The following APP variants were observed in gnomAD, a reference collection of about 807,000 sequenced individuals.
APP encodes amyloid-beta precursor protein.
In APP, 31 loss-of-function variants were observed where a neutral mutation model predicts 101.4. The ratio of observed to expected loss-of-function variants is 0.31; its 90% CI spans 0.23 to 0.41. The LOEUF is 0.41. Among genes scored for constraint, APP ranks in the 10% least tolerant of loss-of-function variants. APP has a pLI of 1.00. For synonymous variants in APP, 366 were observed against 364.4 expected (o/e 1.00, Z -0.05); for missense variants, 839 against 1,003.7 (o/e 0.84, Z 2.22).
intron 2 of APP, among the ~76,000 whole-genome samples, chr21:26,109,307 A>T (rs1463418050): frequency 6.6e-6 from 1 of 152,160 alleles, no homozygotes; most frequent in African/African-American, 2.4e-5. Context: ...AAGGGATTGG[A>T]TCATGGGGGT....
intron 3 of APP, among the ~76,000 whole-genome samples, chr21:26,059,890 CAAAAAAAAAAAAAAAAAAAAA>C (rs57594630): frequency 1.4e-5 from 1 of 70,644 alleles, no homozygotes; most frequent in Non-Finnish European, 2.6e-5. Context: ...GACTCCGTCT[CAAAAAAAAAAAAAAAAAAAAA>C]AAAAAAAAAA....
chr21:26,132,698 C>T (rs759441920), intron 1 of APP, among the ~76,000 whole-genome samples: 1 of 152,128 alleles, frequency 6.6e-6, no homozygotes, highest in African/African-American at 2.4e-5. Flanking sequence ...CTCATAAATA[C>T]TTGATTACTT....
intron 1 of APP, among the ~76,000 whole-genome samples, chr21:26,113,539 C>T (rs1291445075): frequency 6.6e-6 from 1 of 152,188 alleles, no homozygotes; most frequent in Non-Finnish European, 1.5e-5. Context: ...TCTCTAGAGC[C>T]ATGTTTTCAA....
At chr21:25,995,662 A>G (rs558004813) in intron 8 of APP, among the ~76,000 whole-genome samples, 1 of 152,246 alleles carries the variant, frequency 6.6e-6, no homozygotes, top group Non-Finnish European at 1.5e-5. Context: ...CTATAGTGGA[A>G]TAGCTAGAGC....
At chr21:25,905,139 G>T in intron 14 of APP, 62 bp from the exon 15 acceptor site, 1 of 1,416,046 alleles carries the variant, frequency 7.1e-7, no homozygotes, top group Non-Finnish European at 1.0e-6. Context: ...GTAAGTCGTG[G>T]CTCCCAAACA....
chr21:26,061,785 G>C (rs989107809), intron 3 of APP, among the ~76,000 whole-genome samples: 1 of 152,146 alleles, frequency 6.6e-6, no homozygotes, highest in African/African-American at 2.4e-5. Context: ...GAACTAAATG[G>C]ATCAAGATAA....
chr21:26,026,395 A>G (rs2044575733), intron 5 of APP, among the ~76,000 whole-genome samples: 1 of 152,222 alleles, frequency 6.6e-6, no homozygotes, highest in African/African-American at 2.4e-5. Context: ...ATCACTGATG[A>G]TAAAATTTTA....
At chr21:26,101,501 A>G (rs1315765818) in intron 2 of APP, among the ~76,000 whole-genome samples, 1 of 152,200 alleles carries the variant, frequency 6.6e-6, no homozygotes, top group Non-Finnish European at 1.5e-5. Context: ...TGTTTCTATC[A>G]TAAAGTGAGG....
chr21:26,143,665 T>G (rs2063096690), intron 1 of APP, among the ~76,000 whole-genome samples: 1 of 152,218 alleles, frequency 6.6e-6, no homozygotes. Flanking sequence ...ATTAATCTCA[T>G]AACTGCAAGT....
intron 1 of APP, among the ~76,000 whole-genome samples, chr21:26,126,994 A>G (rs2062699180): frequency 6.6e-6 from 1 of 151,552 alleles, no homozygotes; most frequent in South Asian, 2.1e-4. Flanking sequence ...AAAAAACGTT[A>G]ATTTTTAAAA....
At chr21:26,026,530 C>A (rs2044584000) in intron 5 of APP, among the ~76,000 whole-genome samples, 1 of 152,166 alleles carries the variant, frequency 6.6e-6, no homozygotes, top group Non-Finnish European at 1.5e-5. Context: ...CTGATAAGTC[C>A]CTTTACAGAG....
intron 1 of APP, among the ~76,000 whole-genome samples, chr21:26,136,398 C>T (rs1187998678): frequency 6.6e-6 from 1 of 151,904 alleles, no homozygotes; most frequent in Non-Finnish European, 1.5e-5. Context: ...ACCCTGGATC[C>T]ATCAGGCTTT....
intron 5 of APP, among the ~76,000 whole-genome samples, chr21:26,044,944 C>T (rs2045541518): frequency 2.0e-5 from 3 of 152,174 alleles, no homozygotes; most frequent in Non-Finnish European, 1.5e-5. Context: ...AAAACATTAA[C>T]CATCATTGCT....
At chr21:26,142,159 C>T (rs557895280) in intron 1 of APP, among the ~76,000 whole-genome samples, 6 of 152,276 alleles carry the variant, frequency 3.9e-5, no homozygotes, top group South Asian at 2.1e-4. Context: ...TGGCAACATG[C>T]GGGGCAGTAT....
chr21:26,077,595 T>G (rs1156423373), intron 3 of APP, among the ~76,000 whole-genome samples: 9 of 152,126 alleles, frequency 5.9e-5, no homozygotes, highest in Non-Finnish European at 1.0e-4. Flanking sequence ...CAGGAAAATC[T>G]TTAACGCAGG....
chr21:26,136,207 A>AAAGAAAGAAAAGAAAG (rs1273283293), intron 1 of APP, among the ~76,000 whole-genome samples: 2 of 137,416 alleles, frequency 1.5e-5, no homozygotes, highest in African/African-American at 5.9e-5. Flanking sequence ...GAAAGAAAAG[A>AAAGAAAGAAAAGAAAG]AAAGAAAGAA....
At chr21:26,051,630 T>C (rs2045843672) in intron 4 of APP, among the ~76,000 whole-genome samples, 1 of 152,192 alleles carries the variant, frequency 6.6e-6, no homozygotes, top group South Asian at 2.1e-4. Context: ...ACCTGCCTTA[T>C]CCTAGAAATT....
At chr21:25,977,372 T>C (rs560330083) in intron 9 of APP, among the ~76,000 whole-genome samples, 34 of 152,344 alleles carry the variant, frequency 2.2e-4, no homozygotes, top group African/African-American at 7.7e-4. Context: ...AGATGTGTAC[T>C]TGCATACTCT....
chr21:26,137,047 G>GCCTCCACCTCCGCCTCCA (rs1555882396), intron 1 of APP, among the ~76,000 whole-genome samples: 1,720 of 149,930 alleles, frequency 0.011, 31 homozygotes, highest in African/African-American at 0.04. Flanking sequence ...AGATCCTCCC[G>GCCTCCACCTCCGCCTCCA]CCTCCACCTC....
Sources: gnomAD v4.1 joint callset for allele counts (sites outside exome capture counted in the v4.1 genomes callset) on GRCh38, gnomAD v4.1.1 for gene constraint, MANE v1.5 for transcripts, NCBI Gene and HGNC (gene_info 2026-07-23, HGNC 2026-07-21) for gene names.